The following COL24A1 variants were observed in gnomAD, a reference collection of about 807,000 sequenced individuals.
COL24A1 encodes collagen alpha-1(XXIV) chain.
A neutral mutation model predicts 253.9 loss-of-function variants in COL24A1; 224 were observed. That is an observed-to-expected ratio of 0.88 (90% CI 0.79 to 0.99). The LOEUF (loss-of-function observed/expected upper bound fraction) is 0.99, where lower values mean the gene tolerates loss of function less well. Among genes scored for constraint, COL24A1 ranks in the 50% least tolerant of loss-of-function variants. COL24A1 has a pLI of 0.00. For missense variants in COL24A1, 2,131 were observed against 2,068.5 expected (o/e 1.03, Z -0.59); for synonymous variants, 685 against 673.7 (o/e 1.02, Z -0.26).
intron 47 of COL24A1, among the ~76,000 whole-genome samples, chr1:85,795,538 G>A (rs192202357): frequency 1.6e-4 from 25 of 151,952 alleles, no homozygotes; most frequent in Non-Finnish European, 2.2e-4. Context: ...CAAATATTTC[G>A]AATATCAATT....
intron 22 of COL24A1, among the ~76,000 whole-genome samples, chr1:85,968,489 G>A (rs981764269): frequency 2.0e-5 from 3 of 152,096 alleles, no homozygotes; most frequent in Admixed American, 2.0e-4. Context: ...GCTTTTGACT[G>A]CTCTAAATTA....
At chr1:85,967,164 T>C (rs1691650575) in intron 22 of COL24A1, among the ~76,000 whole-genome samples, 1 of 152,098 alleles carries the variant, frequency 6.6e-6, no homozygotes, top group African/African-American at 2.4e-5. Flanking sequence ...AGAAGGTGGG[T>C]AGATGCAATG....
intron 24 of COL24A1, among the ~76,000 whole-genome samples, chr1:85,946,424 G>A (rs968834242): frequency 6.6e-6 from 1 of 152,128 alleles, no homozygotes; most frequent in African/African-American, 2.4e-5. Context: ...AGTCTTACTA[G>A]TCAATAATTG....
chr1:85,794,528 T>C (rs1670623387), intron 47 of COL24A1, among the ~76,000 whole-genome samples: 1 of 152,198 alleles, frequency 6.6e-6, no homozygotes, highest in Admixed American at 6.5e-5. Context: ...ACTATGCTTG[T>C]TGGTTTCTTA....
chr1:86,140,279 C>A (rs1650875874), intron 2 of COL24A1, among the ~76,000 whole-genome samples: 1 of 152,208 alleles, frequency 6.6e-6, no homozygotes, highest in Non-Finnish European at 1.5e-5. Flanking sequence ...GGGCTTAACT[C>A]TAAGATGCTG....
At chr1:86,104,159 G>A (rs1429387824) in intron 5 of COL24A1, among the ~76,000 whole-genome samples, 12 of 151,108 alleles carry the variant, frequency 7.9e-5, no homozygotes, top group Admixed American at 2.6e-4. Flanking sequence ...ATCTTTCTTC[G>A]GCTTGGTCTG....
At chr1:86,093,870 C>T (rs181462255) in intron 5 of COL24A1, among the ~76,000 whole-genome samples, 1 of 151,900 alleles carries the variant, frequency 6.6e-6, no homozygotes, top group East Asian at 1.9e-4. Context: ...TAAATGCAGC[C>T]AACAAGCATA....
rs140779768 is a variant in COL24A1, at chr1:86,007,796, T to C, written c.2310+9355A>G. Among the ~76,000 whole-genome samples, 375 of 152,278 alleles carry C rather than the reference T, an allele frequency of 2.5e-3. 10 individuals carry two copies. The East Asian group carries it at 0.047, about 19-fold the overall frequency. ...CAGTAAAAAGATCAGTGCCCATAGG[T>C]TGCTGAGGGCAGGGAAGAGGAGGGA... On this transcript the variant is annotated intron_variant, in intron 19 of 59. Coordinates refer to ENST00000370571, the MANE Select transcript of COL24A1 (RefSeq NM_152890.7).
chr1:85,881,538 T>C (rs1025910283), intron 32 of COL24A1, among the ~76,000 whole-genome samples: 3 of 151,774 alleles, frequency 2.0e-5, no homozygotes, highest in African/African-American at 7.3e-5. Context: ...GGCAGGAGAA[T>C]CACTTGAACC....
intron 4 of COL24A1, among the ~76,000 whole-genome samples, chr1:86,114,542 C>G (rs1705937610): frequency 6.6e-6 from 1 of 151,958 alleles, no homozygotes; most frequent in South Asian, 2.1e-4. Flanking sequence ...GATAGGTCAT[C>G]AACTACAGAG....
chr1:85,975,360 C>T (rs1283906472), intron 20 of COL24A1, among the ~76,000 whole-genome samples: 2 of 152,098 alleles, frequency 1.3e-5, no homozygotes, highest in Non-Finnish European at 2.9e-5. Flanking sequence ...ACAGAATCAA[C>T]ATAAGTATCC....
At chr1:86,071,303 T>C (rs1228972981) in intron 7 of COL24A1, among the ~76,000 whole-genome samples, 1 of 151,900 alleles carries the variant, frequency 6.6e-6, no homozygotes, top group Admixed American at 6.6e-5. Context: ...AAAATCACCT[T>C]CACTAAATGA....
At position 85,765,827 on chromosome 1, in the gene COL24A1, T is replaced by A. The variant is rs917902050; in HGVS notation, c.4375-4261A>T. Among the ~76,000 whole-genome samples, 28 of 152,302 alleles carry A rather than the reference T, an allele frequency of 1.8e-4. No homozygotes were observed. In the East Asian group the frequency reaches 4.6e-3, roughly 25 times the overall value. Reference sequence around the variant, plus strand: ...AATTTTACTTAGAATTTTACTTAAGTTAAATTTTTACTAATTGTATCCCAT... The same window carrying A: ...AATTTTACTTAGAATTTTACTTAAGATAAATTTTTACTAATTGTATCCCAT... On this transcript the variant is annotated intron_variant, in intron 53 of 59. Transcript: ENST00000370571.
intron 1 of COL24A1, among the ~76,000 whole-genome samples, chr1:86,148,988 T>A (rs1652344106): frequency 6.6e-6 from 1 of 152,132 alleles, no homozygotes; most frequent in Non-Finnish European, 1.5e-5. Flanking sequence ...TGTTCCTATT[T>A]CTCCACATCC....
chr1:85,945,393 T>C (rs1049751836), intron 24 of COL24A1, among the ~76,000 whole-genome samples: 4 of 151,724 alleles, frequency 2.6e-5, no homozygotes, highest in Non-Finnish European at 5.9e-5. Context: ...ATGCCCTGAC[T>C]GACTGAAAAG....
intron 20 of COL24A1, among the ~76,000 whole-genome samples, chr1:85,972,355 C>T (rs1353853545): frequency 6.6e-6 from 1 of 152,010 alleles, no homozygotes; most frequent in Non-Finnish European, 1.5e-5. Flanking sequence ...TTATATTTTG[C>T]TCTATACTTT....
intron 8 of COL24A1, among the ~76,000 whole-genome samples, chr1:86,062,032 T>G (rs1231247369): frequency 6.6e-6 from 1 of 152,042 alleles, no homozygotes; most frequent in African/African-American, 2.4e-5. Flanking sequence ...GTGGATAAAA[T>G]AGAACAATGC....
chr1:85,989,728 C>T (rs1022757590), intron 19 of COL24A1, among the ~76,000 whole-genome samples: 6 of 152,132 alleles, frequency 3.9e-5, no homozygotes, highest in Non-Finnish European at 8.8e-5. Context: ...AATTTTCATA[C>T]TCTGATAATA....
At chr1:85,754,850 C>G (rs915933339) in intron 55 of COL24A1, among the ~76,000 whole-genome samples, 8 of 151,930 alleles carry the variant, frequency 5.3e-5, no homozygotes, top group Non-Finnish European at 7.4e-5. Context: ...TCAAGCTTAT[C>G]AACATATGCA....
Sources: gnomAD v4.1 joint callset for allele counts (sites outside exome capture counted in the v4.1 genomes callset) on GRCh38, gnomAD v4.1.1 for gene constraint, MANE v1.5 for transcripts, NCBI Gene and HGNC (gene_info 2026-07-23, HGNC 2026-07-21) for gene names.